Variants in TOGARAM2 observed in about 807,000 individuals in gnomAD.
The protein encoded by TOGARAM2 is TOG array regulator of axonemal microtubules protein 2.
In TOGARAM2, 85 loss-of-function variants were observed where a neutral mutation model predicts 93.3. The ratio of observed to expected loss-of-function variants is 0.91; its 90% CI spans 0.76 to 1.09. The LOEUF (loss-of-function observed/expected upper bound fraction) is 1.09, where lower values mean the gene tolerates loss of function less well. TOGARAM2 is among the 50% of genes least tolerant of loss of function. The pLI, the probability that TOGARAM2 is intolerant of heterozygous loss-of-function variation, is 0.00. For missense variants in TOGARAM2, 1,277 were observed against 1,334.5 expected (o/e 0.96, Z 0.67); for synonymous variants, 593 against 552.8 (o/e 1.07, Z -1.02).
At chr2:29,005,751 A>G (rs551005199) in intron 6 of TOGARAM2, among the ~76,000 whole-genome samples, 443 of 12,582 alleles carry the variant, frequency 0.035, 28 homozygotes, top group Middle Eastern at 0.071. Context: ...ATATGTGTGT[A>G]TGTGTGTGTG....
intron 2 of TOGARAM2, among the ~76,000 whole-genome samples, chr2:28,996,339 C>T (rs1672987404): frequency 6.6e-6 from 1 of 152,088 alleles, no homozygotes. Context: ...CAATAGCTCT[C>T]ATTCCTTCTA....
intron 13 of TOGARAM2, among the ~76,000 whole-genome samples, chr2:29,026,030 C>T (rs562231904): frequency 6.6e-6 from 1 of 152,250 alleles, no homozygotes; most frequent in South Asian, 2.1e-4. Context: ...AGCTCAGCTT[C>T]CCTGGGATTC....
chr2:29,016,472 A>G (rs531475853), intron 8 of TOGARAM2, among the ~76,000 whole-genome samples: 1 of 152,364 alleles, frequency 6.6e-6, no homozygotes, highest in South Asian at 2.1e-4. Context: ...AAGGGAACAC[A>G]GGAAGTCTTG....
intron 19 of TOGARAM2, chr2:29,048,206 G>C (rs1265512830): frequency 3.9e-5 from 6 of 152,012 alleles, no homozygotes; most frequent in African/African-American, 1.5e-4. Context: ...ACTATCACAA[G>C]AAGTACACCG....
At chr2:29,034,851 C>A (rs1472542577) in intron 16 of TOGARAM2, among the ~76,000 whole-genome samples, 2 of 152,156 alleles carry the variant, frequency 1.3e-5, no homozygotes, top group Non-Finnish European at 2.9e-5. Flanking sequence ...CCCACTCTTA[C>A]ATTAAATGTG....
chr2:29,022,254 C>T lies in TOGARAM2; in HGVS notation c.1457C>T (p.Ser486Leu), dbSNP rs772507909. The T allele has an allele frequency of 3.8e-5, 61 of 1,613,928 alleles. 1 individual carries two copies. In the Middle Eastern group the frequency reaches 2.5e-3, roughly 65 times the overall value. ...LRACKELRPFSNPELGLRDAL... is the reference protein window; with the variant it reads ...LRACKELRPFLNPELGLRDAL... ...GCCTGTAAGGAGTTGAGGCCTTTCTCGAACCCGGAGCTGGGGCTGAGGGAT... is the reference window on the plus strand; with the variant it reads ...GCCTGTAAGGAGTTGAGGCCTTTCTTGAACCCGGAGCTGGGGCTGAGGGAT... Residue 486 changes from serine (S) to leucine (L), a missense_variant, in exon 11 of 20, where the codon TCG (serine) becomes TTG (leucine). Physicochemically the swap from Ser to Leu is moderately radical, Grantham distance 145 (BLOSUM62 -2). Coordinates refer to ENST00000379558, the MANE Select transcript of TOGARAM2 (RefSeq NM_199280.4).
chr2:29,014,025 C>A (rs187164276), intron 7 of TOGARAM2, among the ~76,000 whole-genome samples: 1 of 152,182 alleles, frequency 6.6e-6, no homozygotes, highest in Non-Finnish European at 1.5e-5. Flanking sequence ...TTGGTGGGCC[C>A]ATTTTGCTTT....
At chr2:28,970,694 C>A (rs188927910) in intron 1 of TOGARAM2, among the ~76,000 whole-genome samples, 1 of 152,186 alleles carries the variant, frequency 6.6e-6, no homozygotes, top group South Asian at 2.1e-4. Context: ...CCAGGAGCAA[C>A]GCACCCACCT....
intron 1 of TOGARAM2, among the ~76,000 whole-genome samples, chr2:28,992,341 C>A (rs540456012): frequency 2.0e-5 from 3 of 152,076 alleles, no homozygotes; most frequent in African/African-American, 7.2e-5. Flanking sequence ...TGCACTAGAC[C>A]CTGGGGCCTG....
intron 8 of TOGARAM2, 47 bp from the exon 9 acceptor site, chr2:29,017,107 A>G: frequency 6.3e-7 from 1 of 1,589,446 alleles, no homozygotes; most frequent in Non-Finnish European, 8.6e-7. Flanking sequence ...AATGTTGATG[A>G]TTGAATGAAT....
intron 10 of TOGARAM2, among the ~76,000 whole-genome samples, chr2:29,019,867 G>A (rs1484292316): frequency 6.6e-6 from 1 of 152,168 alleles, no homozygotes; most frequent in East Asian, 1.9e-4. Context: ...TTGTAAACCT[G>A]CTTGTCCTCC....
chr2:29,006,026 A>G (rs12993251), intron 6 of TOGARAM2, among the ~76,000 whole-genome samples: 95,519 of 133,274 alleles, frequency 0.72, 35,559 homozygotes, highest in Non-Finnish European at 0.84. Flanking sequence ...GTGTGAGACC[A>G]TATGTATGTG....
chr2:29,042,398 C>T (rs953552518), intron 18 of TOGARAM2, among the ~76,000 whole-genome samples: 26 of 152,350 alleles, frequency 1.7e-4, no homozygotes, highest in African/African-American at 6.0e-4. Flanking sequence ...AAATTCACTT[C>T]TTTCTGGCTC....
At chr2:29,014,336 C>T (rs1558433637) in intron 7 of TOGARAM2, 59 bp from the exon 8 acceptor site, 3 of 1,565,332 alleles carry the variant, frequency 1.9e-6, no homozygotes, top group Non-Finnish European at 2.6e-6. Flanking sequence ...GCCACAGGGT[C>T]AGTGAGCTCA....
chr2:29,012,826 T>A (rs1027644535), intron 7 of TOGARAM2, among the ~76,000 whole-genome samples: 1 of 152,196 alleles, frequency 6.6e-6, no homozygotes, highest in African/African-American at 2.4e-5. Flanking sequence ...TCTGTGGCAT[T>A]CCTGCAGTCC....
intron 1 of TOGARAM2, among the ~76,000 whole-genome samples, chr2:28,957,007 C>A (rs1050172055): frequency 6.6e-6 from 1 of 151,870 alleles, no homozygotes; most frequent in Non-Finnish European, 1.5e-5. Flanking sequence ...CATCTGTAAT[C>A]CCAGGAGAAT....
chr2:28,993,989 C>T (rs1364759819), intron 1 of TOGARAM2, among the ~76,000 whole-genome samples: 1 of 152,204 alleles, frequency 6.6e-6, no homozygotes, highest in African/African-American at 2.4e-5. Flanking sequence ...TCTGGAAGCA[C>T]CTCTGTTACC....
Position 29,014,401 on chromosome 2 carries a change from A to G in TOGARAM2, c.884A>G (p.Lys295Arg). 1.2e-6 allele frequency: 2 copies of G among 1,610,630 alleles called. No individual in the cohort carries two copies. Among genetic ancestry groups the G allele is most frequent in the Non-Finnish European group, 1.7e-6 (2 of 1,178,836 alleles). The change falls in exon 8 of 20, where the codon AAA (lysine) becomes AGA (arginine). Residue 295 changes from lysine to arginine, a missense_variant. Physicochemically the swap from Lys to Arg is conservative, Grantham distance 26. Coordinates refer to ENST00000379558, the MANE Select transcript of TOGARAM2 (RefSeq NM_199280.4). The stretch of plus-strand genomic sequence containing the variant: ...CCTGTTCTCAACCCCTCAGAGCCAA[A>G]ACCTTTGGCCTCACCCATCAGAGAC... Reference protein sequence around the residue: ...REKTPASLEPKPLASPIRDRP... With the variant: ...REKTPASLEPRPLASPIRDRP...
intron 10 of TOGARAM2, chr2:29,018,212 C>T (rs983886857): frequency 6.0e-5 from 29 of 479,960 alleles, no homozygotes; most frequent in African/African-American, 3.0e-4. Flanking sequence ...GTGACATGTC[C>T]GGAGGAGTGA....
Sources: gnomAD v4.1 joint callset for allele counts (sites outside exome capture counted in the v4.1 genomes callset) on GRCh38, gnomAD v4.1.1 for gene constraint, MANE v1.5 for transcripts, NCBI Gene and HGNC (gene_info 2026-07-23, HGNC 2026-07-21) for gene names.